The following CTIF variants were observed in gnomAD, a reference collection of about 807,000 sequenced individuals.
The protein encoded by CTIF is cap binding complex dependent translation initiation factor.
CTIF carries 21 observed loss-of-function variants against 66.0 expected under a neutral mutation model. That is an observed-to-expected ratio of 0.32 (90% confidence interval 0.23 to 0.46). CTIF has a LOEUF of 0.46. Among genes scored for constraint, CTIF ranks in the 20% least tolerant of loss-of-function variants. The pLI, the probability that CTIF is intolerant of heterozygous loss-of-function variation, is 1.00. For missense variants in CTIF, 739 were observed against 812.7 expected, an observed-to-expected ratio of 0.91 and a Z score of 1.10; for synonymous variants, 345 against 326.4, an observed-to-expected ratio of 1.06 and a Z score of -0.62.
chr18:48,687,638 C>T (rs2091863900), intron 6 of CTIF, among the ~76,000 whole-genome samples: 1 of 152,228 alleles, frequency 6.6e-6, no homozygotes, highest in African/African-American at 2.4e-5. Flanking sequence ...TTGTCCGACA[C>T]CACCTCTGAG....
intron 9 of CTIF, among the ~76,000 whole-genome samples, chr18:48,794,759 G>A (rs2067873693): frequency 6.6e-6 from 1 of 152,182 alleles, no homozygotes; most frequent in Non-Finnish European, 1.5e-5. Context: ...GAACTCTGGA[G>A]GTTTTCCTGA....
At chr18:48,556,986 T>C (rs1194870168) in intron 1 of CTIF, among the ~76,000 whole-genome samples, 1 of 152,232 alleles carries the variant, frequency 6.6e-6, no homozygotes, top group East Asian at 1.9e-4. Context: ...CTAATATATG[T>C]TATACACTTA....
intron 1 of CTIF, among the ~76,000 whole-genome samples, chr18:48,557,948 T>C (rs1912964): frequency 0.99 from 151,357 of 152,404 alleles, 75,171 homozygotes; most frequent in Middle Eastern, 1. Flanking sequence ...AAGGCCCTGT[T>C]TCCAAACATA....
intron 6 of CTIF, among the ~76,000 whole-genome samples, chr18:48,691,529 C>T (rs191662430): frequency 1.3e-5 from 2 of 152,178 alleles, no homozygotes; most frequent in African/African-American, 4.8e-5. Context: ...CTCAGTGACT[C>T]TTTGCCACCT....
At chr18:48,635,856 A>G (rs1358442874) in intron 2 of CTIF, among the ~76,000 whole-genome samples, 1 of 152,098 alleles carries the variant, frequency 6.6e-6, no homozygotes, top group Non-Finnish European at 1.5e-5. Flanking sequence ...GGCTCTCCTC[A>G]TTTTATAGAT....
intron 7 of CTIF, among the ~76,000 whole-genome samples, chr18:48,744,658 C>T (rs2092580671): frequency 1.3e-5 from 2 of 152,016 alleles, no homozygotes; most frequent in Non-Finnish European, 2.9e-5. Context: ...TTTTTCATAA[C>T]CACAATACAA....
At chr18:48,656,809 G>A (rs1388747086) in intron 3 of CTIF, among the ~76,000 whole-genome samples, 2 of 152,158 alleles carry the variant, frequency 1.3e-5, no homozygotes, top group Admixed American at 6.5e-5. Context: ...CAACCGGGGG[G>A]GCAGGGCCTG....
At chr18:48,805,215 G>A (rs2068120236) in intron 9 of CTIF, among the ~76,000 whole-genome samples, 1 of 152,212 alleles carries the variant, frequency 6.6e-6, no homozygotes, top group African/African-American at 2.4e-5. Context: ...ATAGGAACAG[G>A]TGCCAAGGAA....
At chr18:48,604,622 C>CT (rs1491478447) in intron 1 of CTIF, among the ~76,000 whole-genome samples, 2 of 152,064 alleles carry the variant, frequency 1.3e-5, no homozygotes, top group Non-Finnish European at 2.9e-5. Context: ...ATGTACATTA[C>CT]TTTTTTAACA....
intron 10 of CTIF, among the ~76,000 whole-genome samples, chr18:48,819,333 C>T (rs1310378396): frequency 6.6e-6 from 1 of 152,370 alleles, no homozygotes; most frequent in East Asian, 1.9e-4. Context: ...CTCTTGGGTC[C>T]TCCCATCCTT....
chr18:48,737,955 C>A (rs1038990510), intron 7 of CTIF, among the ~76,000 whole-genome samples: 8 of 152,264 alleles, frequency 5.3e-5, no homozygotes, highest in African/African-American at 1.7e-4. Flanking sequence ...CCTTGGGTAG[C>A]AGAGGGTCCC....
At chr18:48,572,704 G>A (rs753847390) in intron 1 of CTIF, among the ~76,000 whole-genome samples, 10 of 152,224 alleles carry the variant, frequency 6.6e-5, no homozygotes, top group Admixed American at 1.3e-4. Flanking sequence ...AGAGTGATTG[G>A]AAGCTGGATG....
At chr18:48,603,118 GATGA>G (rs560937835) in intron 1 of CTIF, among the ~76,000 whole-genome samples, 102 of 148,456 alleles carry the variant, frequency 6.9e-4, no homozygotes, top group African/African-American at 2.3e-3. Context: ...TGAATGGATG[GATGA>G]ATGGATGGCT....
chr18:48,730,961 T>C (rs552289769), intron 7 of CTIF, among the ~76,000 whole-genome samples: 1 of 151,982 alleles, frequency 6.6e-6, no homozygotes, highest in South Asian at 2.1e-4. Flanking sequence ...CTGGGGAAAC[T>C]CTCCCAGCCC....
intron 9 of CTIF, among the ~76,000 whole-genome samples, chr18:48,768,259 G>C (rs1380293453): frequency 6.6e-6 from 1 of 152,162 alleles, no homozygotes; most frequent in African/African-American, 2.4e-5. Context: ...TGGAGTCTAA[G>C]TTTTAAACTC....
intron 2 of CTIF, among the ~76,000 whole-genome samples, chr18:48,626,656 G>GTTT (rs61179877): frequency 0.041 from 4,472 of 107,928 alleles, 179 homozygotes; most frequent in South Asian, 0.095. Context: ...TTTTTTTTTT[G>GTTT]TTTTTTTTTT....
At chr18:48,789,885 A>T (rs1343233675) in intron 9 of CTIF, among the ~76,000 whole-genome samples, 6 of 152,344 alleles carry the variant, frequency 3.9e-5, no homozygotes, top group Admixed American at 3.3e-4. Flanking sequence ...GGTACTGGTG[A>T]AGAGTATAGA....
intron 3 of CTIF, among the ~76,000 whole-genome samples, 172 bp from the exon 4 acceptor site, chr18:48,663,580 G>A (rs2091382608): frequency 6.6e-6 from 1 of 151,970 alleles, no homozygotes; most frequent in African/African-American, 2.4e-5. Flanking sequence ...GCCTATGCCT[G>A]GGGGGAGGCC....
At chr18:48,642,538 G>C (rs114241101) in intron 3 of CTIF, among the ~76,000 whole-genome samples, 2,130 of 152,284 alleles carry the variant, frequency 0.014, 55 homozygotes, top group African/African-American at 0.049. Flanking sequence ...TTACTCAAGT[G>C]GGGGGCTGAG....
Sources: allele counts gnomAD v4.1 joint callset (sites outside exome capture counted in the v4.1 genomes callset), GRCh38; gene constraint gnomAD v4.1.1; transcripts MANE v1.5; gene names NCBI Gene and HGNC (gene_info 2026-07-23, HGNC 2026-07-21).